KIF14: variants seen among roughly 807,000 people sequenced by gnomAD.
The protein encoded by KIF14 is kinesin-like protein KIF14.
In KIF14, 98 loss-of-function variants were observed where a neutral mutation model predicts 176.2. The observed-to-expected ratio is 0.56, with a 90% CI of 0.47 to 0.66. KIF14 has a LOEUF of 0.66. Among genes scored for constraint, KIF14 ranks in the 30% least tolerant of loss-of-function variants. The pLI is 0.00. For missense variants in KIF14, 1,751 were observed against 1,920.4 expected (o/e 0.91, Z 1.65); for synonymous variants, 566 against 632.2 (o/e 0.90, Z 1.57).
chr1:200,593,455 A>G (rs79645508), intron 15 of KIF14, among the ~76,000 whole-genome samples: 3,567 of 152,332 alleles, frequency 0.023, 51 homozygotes, highest in Non-Finnish European at 0.035. Context: ...TAATGATGCT[A>G]TTAGTGGTCA....
At chr1:200,588,243 G>GTTT (rs559935219) in intron 18 of KIF14, among the ~76,000 whole-genome samples, 1 of 109,306 alleles carries the variant, frequency 9.1e-6, no homozygotes, top group Non-Finnish European at 1.7e-5. Context: ...TTGTTTGTTT[G>GTTT]TTTTGTTTTT....
chr1:200,600,471 C>A lies in KIF14; in HGVS notation c.2185G>T (p.Ala729Ser), dbSNP rs1659571834. Residue 729 changes from alanine to serine, a missense_variant, in exon 12 of 30, where the codon GCT becomes TCT. Coordinates refer to ENST00000367350, the MANE Select transcript of KIF14 (RefSeq NM_014875.3). ...TCAATATTCCGACTGTTTCTCTGAG[C>A]AGCTTTTAGCTTTGCAATTTCTGCC... ...LKAEIAKLKA[A>S]QRNSRNIDPE... 5 of 1,613,638 alleles carry A rather than the reference C, an allele frequency of 3.1e-6. No homozygotes were observed. Among genetic ancestry groups the A allele is most frequent in the African/African-American group, 1.3e-5 (1 of 74,912 alleles).
intron 4 of KIF14, among the ~76,000 whole-genome samples, chr1:200,610,367 G>A (rs190691989): frequency 2.9e-4 from 44 of 151,930 alleles, no homozygotes; most frequent in Admixed American, 1.3e-3. Context: ...AAAATTAGCC[G>A]GGCGTGGTGG....
chr1:200,607,455 C>CAA (rs1319907511), intron 5 of KIF14, among the ~76,000 whole-genome samples: 2 of 152,112 alleles, frequency 1.3e-5, no homozygotes, highest in Non-Finnish European at 2.9e-5. Context: ...CCTAGTTTTT[C>CAA]AGTAAGACAT....
At chr1:200,603,443 C>A in intron 9 of KIF14, 102 bp from the exon 10 acceptor site, 1 of 636,330 alleles carries the variant, frequency 1.6e-6, no homozygotes. Context: ...TGAGTAAATA[C>A]TTTTTTACTT....
chr1:200,602,755 A>G (rs1490881052), intron 10 of KIF14, among the ~76,000 whole-genome samples: 4 of 152,356 alleles, frequency 2.6e-5, no homozygotes, highest in African/African-American at 9.6e-5. Context: ...ATATACATTC[A>G]CTAATGAAAA....
chr1:200,595,036 A>AT (rs961869451), intron 14 of KIF14, among the ~76,000 whole-genome samples: 1 of 152,014 alleles, frequency 6.6e-6, no homozygotes, highest in Admixed American at 6.6e-5. Context: ...ATCTGCCACT[A>AT]TTTTCCCATA....
In KIF14 at chr1:200,620,524, G is replaced by C. The variant is rs1246355469; in HGVS notation, c.-229C>G. The C allele has an allele frequency of 6.6e-6, 1 of 152,364 alleles. No individual in the cohort carries two copies. Among genetic ancestry groups the C allele is most frequent in the Non-Finnish European group, 1.5e-5 (1 of 68,130 alleles). 9.4% of individuals were successfully genotyped at this position (152,364 alleles called of 1,614,324 possible). A position where few individuals can be genotyped will look rare whatever the true frequency, so the allele number is the denominator to read the frequency against. ...CGCTGCCTTGCGCCCTTCGTTCGGG[G>C]ACCCCTTCGCCGCCGACCTGGAATG... On this transcript the variant is annotated 5_prime_UTR_variant, in exon 1 of 30. Transcript: ENST00000367350.
intron 22 of KIF14, among the ~76,000 whole-genome samples, chr1:200,571,697 A>C (rs1469052438): frequency 6.6e-6 from 1 of 152,252 alleles, no homozygotes; most frequent in Non-Finnish European, 1.5e-5. Flanking sequence ...ATGAACTCCT[A>C]CAAGAAAAAC....
intron 22 of KIF14, among the ~76,000 whole-genome samples, chr1:200,572,907 C>T (rs1283340507): frequency 2.0e-5 from 3 of 152,160 alleles, no homozygotes; most frequent in Non-Finnish European, 4.4e-5. Flanking sequence ...TGCCAAAGGC[C>T]AACTCTGTCA....
rs1656561571 is a variant in KIF14 at position 200,552,089 on chromosome 1, T to A, written c.*1299A>T. ...GCCAATTTCAACTAGTTATGCCAAA[T>A]GTACAAGTAGTATCTGTAAATTCGA... On this transcript the variant is annotated 3_prime_UTR_variant, in exon 30 of 30. Coordinates refer to ENST00000367350, the MANE Select transcript of KIF14 (RefSeq NM_014875.3). 1 of 152,204 alleles carries A rather than the reference T, an allele frequency of 6.6e-6. No individual in the cohort carries two copies. The highest frequency in any genetic ancestry group is 2.4e-5 in the African/African-American group (1 of 41,454). The allele number at this position is 152,204 out of a possible 1,614,324, so 9.4% of individuals were successfully genotyped here. A position where few individuals can be genotyped will look rare whatever the true frequency, so the allele number is the denominator to read the frequency against.
intron 14 of KIF14, among the ~76,000 whole-genome samples, chr1:200,597,992 T>C (rs1659436371): frequency 6.6e-6 from 1 of 152,082 alleles, no homozygotes; most frequent in African/African-American, 2.4e-5. Context: ...TAAATTATTC[T>C]TCAATCAACA....
chr1:200,558,834 T>A (rs1284345638), intron 27 of KIF14, among the ~76,000 whole-genome samples: 1 of 152,194 alleles, frequency 6.6e-6, no homozygotes, highest in Non-Finnish European at 1.5e-5. Flanking sequence ...TACTAAGTAA[T>A]GTTAGCTGGA....
chr1:200,593,236 T>A (rs1484229436), intron 15 of KIF14, among the ~76,000 whole-genome samples: 1 of 152,198 alleles, frequency 6.6e-6, no homozygotes, highest in Non-Finnish European at 1.5e-5. Flanking sequence ...ATATATAGAG[T>A]CACAATAGGT....
At position 200,600,369 on chromosome 1, in the gene KIF14, C is replaced by A; in HGVS notation, c.2287G>T (p.Ala763Ser). The change falls in exon 12 of 30, where the codon GCA becomes TCA. Residue 763 changes from alanine to serine, a missense_variant. Coordinates refer to ENST00000367350, the MANE Select transcript of KIF14 (RefSeq NM_014875.3). ...ACTGTACTCTACCTTTGCATTTCTG[C>A]CATGTCTCTCTCCTGTTGATGCAGT... Reference protein sequence around the residue: ...MKLHQQERDMAEMQRVWKEKF... With the variant: ...MKLHQQERDMSEMQRVWKEKF... 2 of 1,613,794 alleles carry A rather than the reference C, an allele frequency of 1.2e-6. No homozygotes were observed. The highest frequency in any genetic ancestry group is 2.7e-5 in the African/African-American group (2 of 75,016).
intron 4 of KIF14, among the ~76,000 whole-genome samples, chr1:200,612,000 CTT>C (rs79821962): frequency 1.3e-5 from 2 of 148,614 alleles, no homozygotes; most frequent in Non-Finnish European, 3.0e-5. Flanking sequence ...AGTCCATGCT[CTT>C]TTTTTTTTTC....
chr1:200,602,292 G>T (rs1376658966), intron 10 of KIF14, among the ~76,000 whole-genome samples: 2 of 152,120 alleles, frequency 1.3e-5, no homozygotes. Flanking sequence ...AATCTGTGCA[G>T]AGATTCTAAA....
intron 11 of KIF14, 59 bp from the exon 12 acceptor site, chr1:200,600,562 G>A: frequency 8.4e-7 from 1 of 1,187,620 alleles, no homozygotes; most frequent in Non-Finnish European, 1.2e-6. Context: ...AATTTCCACA[G>A]TAAGCATAAT....
chr1:200,584,400 C>G (rs1368741779), intron 19 of KIF14, among the ~76,000 whole-genome samples: 1 of 151,988 alleles, frequency 6.6e-6, no homozygotes, highest in Non-Finnish European at 1.5e-5. Flanking sequence ...AAAGACACTA[C>G]AAGAAAAGAA....
Sources: allele counts gnomAD v4.1 joint callset (sites outside exome capture counted in the v4.1 genomes callset), GRCh38; gene constraint gnomAD v4.1.1; transcripts MANE v1.5; gene names NCBI Gene and HGNC (gene_info 2026-07-23, HGNC 2026-07-21).